Variants in DENND1A observed in about 807,000 individuals in gnomAD.
DENND1A encodes DENN domain containing 1A.
DENND1A carries 51 observed loss-of-function variants against 113.7 expected under a neutral mutation model. The observed-to-expected ratio is 0.45, with a 90% CI of 0.36 to 0.57. The LOEUF is 0.57. Ranked by LOEUF, DENND1A falls within the 20% of genes least tolerant of loss-of-function variation. The pLI, the probability that DENND1A is intolerant of heterozygous loss-of-function variation, is 0.00. For synonymous variants in DENND1A, 565 were observed against 570.8 expected (o/e 0.99, Z 0.14); for missense variants, 1,258 against 1,395.9 (o/e 0.90, Z 1.57).
intron 5 of DENND1A, among the ~76,000 whole-genome samples, chr9:123,744,993 C>T (rs2069365913): frequency 6.6e-6 from 1 of 152,074 alleles, no homozygotes; most frequent in South Asian, 2.1e-4. Flanking sequence ...CCAGGCTGGT[C>T]TCGAATTCCC....
At chr9:123,747,590 ATAC>A (rs1353533504) in intron 5 of DENND1A, among the ~76,000 whole-genome samples, 2 of 152,314 alleles carry the variant, frequency 1.3e-5, no homozygotes, top group African/African-American at 4.8e-5. Context: ...TTTCCACTGC[ATAC>A]TACAATATAT....
At chr9:123,795,464 C>A (rs999650534) in intron 2 of DENND1A, among the ~76,000 whole-genome samples, 2 of 152,202 alleles carry the variant, frequency 1.3e-5, no homozygotes, top group African/African-American at 4.8e-5. Flanking sequence ...ACCCGCCTTA[C>A]TAACAGTTTC....
rs544986356 is a variant in DENND1A, at chr9:123,494,696, C to T, written c.994-36799G>A. ...ACAAGTGCCTACTCTGCCTAGAAGC[C>T]TTACCCCACCTTCTAACTATTCAAT... On this transcript the variant is annotated intron_variant, in intron 13 of 23. Transcript: ENST00000394215. Among the ~76,000 whole-genome samples the T allele has an allele frequency of 4.5e-4, 69 of 152,312 alleles. 1 individual carries two copies. Among genetic ancestry groups the T allele is most frequent in the Middle Eastern group, 3.4e-3 (1 of 294 alleles).
intron 9 of DENND1A, among the ~76,000 whole-genome samples, chr9:123,648,982 A>G (rs573459247): frequency 5.6e-4 from 86 of 152,298 alleles, no homozygotes; most frequent in Non-Finnish European, 9.7e-4. Context: ...TCATCCCATT[A>G]CTAGCATCGT....
At chr9:123,759,658 T>A (rs894198587) in intron 4 of DENND1A, 1 of 152,174 alleles carries the variant, frequency 6.6e-6, no homozygotes, top group African/African-American at 2.4e-5. Context: ...CTCCTGGCCT[T>A]AAGTGATCCG....
At chr9:123,895,272 A>G (rs1228348278) in intron 1 of DENND1A, among the ~76,000 whole-genome samples, 2 of 152,080 alleles carry the variant, frequency 1.3e-5, no homozygotes, top group Non-Finnish European at 2.9e-5. Context: ...AAAACTATAA[A>G]TAATGGTTTT....
intron 13 of DENND1A, among the ~76,000 whole-genome samples, chr9:123,462,903 G>T (rs1435041417): frequency 6.6e-6 from 1 of 152,076 alleles, no homozygotes; most frequent in Non-Finnish European, 1.5e-5. Flanking sequence ...TAAACAAACC[G>T]CTGTCAAGGC....
At chr9:123,920,624 A>G (rs962576370) in intron 1 of DENND1A, among the ~76,000 whole-genome samples, 3 of 152,108 alleles carry the variant, frequency 2.0e-5, no homozygotes, top group Admixed American at 2.0e-4. Flanking sequence ...CAGTGGTGCA[A>G]TCTCAGCTCA....
intron 1 of DENND1A, among the ~76,000 whole-genome samples, chr9:123,925,797 G>A (rs1379166072): frequency 1.3e-5 from 2 of 152,184 alleles, no homozygotes; most frequent in African/African-American, 4.8e-5. Flanking sequence ...GGCTAATGTA[G>A]AATAATCACC....
intron 19 of DENND1A, among the ~76,000 whole-genome samples, chr9:123,424,218 A>G (rs559434784): frequency 6.6e-6 from 1 of 152,188 alleles, no homozygotes; most frequent in African/African-American, 2.4e-5. Context: ...TTGCTGAGGG[A>G]GGGTGTCCAT....
chr9:123,573,895 C>T (rs1159035775), intron 12 of DENND1A, among the ~76,000 whole-genome samples: 1 of 151,788 alleles, frequency 6.6e-6, no homozygotes, highest in African/African-American at 2.4e-5. Flanking sequence ...AGCTGTAGGT[C>T]TTTTCTAGAT....
chr9:123,754,074 A>C (rs1420623674), intron 5 of DENND1A, among the ~76,000 whole-genome samples: 1 of 152,204 alleles, frequency 6.6e-6, no homozygotes. Context: ...TGGAAAGCAA[A>C]AGTAGAGGTA....
chr9:123,735,201 T>C (rs2068471626), intron 5 of DENND1A, among the ~76,000 whole-genome samples: 1 of 152,114 alleles, frequency 6.6e-6, no homozygotes, highest in Admixed American at 6.6e-5. Context: ...ATACCCCTAT[T>C]TCCACTATGA....
At chr9:123,718,831 G>A (rs1320724901) in intron 5 of DENND1A, among the ~76,000 whole-genome samples, 2 of 152,184 alleles carry the variant, frequency 1.3e-5, no homozygotes, top group Non-Finnish European at 1.5e-5. Context: ...GCTAAGCTCT[G>A]TACAAGTGGT....
chr9:123,609,427 C>A lies in DENND1A; in HGVS notation c.765+9G>T. The A allele has an allele frequency of 6.2e-7, 1 of 1,613,238 alleles. No individual in the cohort carries two copies. On this transcript the variant is annotated intron_variant, in intron 11 of 23. Transcript: ENST00000394215. ...TAGAGCCATCTGGGGAGGAAAGAAG[C>A]CAACTTACCTCCATTAAACTTAAAT...
intron 13 of DENND1A, among the ~76,000 whole-genome samples, chr9:123,526,897 T>C (rs968090031): frequency 6.6e-6 from 1 of 152,192 alleles, no homozygotes; most frequent in Non-Finnish European, 1.5e-5. Flanking sequence ...CGTATCTTCA[T>C]CTCACTCTTC....
Position 123,764,962 on chromosome 9 carries a change from T to C in DENND1A, c.182+4552A>G, listed in dbSNP as rs1216020016. 6.6e-6 allele frequency among the ~76,000 whole-genome samples: 1 copy of C among 152,138 alleles called. No individual in the cohort carries two copies. Among genetic ancestry groups the C allele is most frequent in the Non-Finnish European group, 1.5e-5 (1 of 68,026 alleles). On this transcript the variant is annotated intron_variant, in intron 4 of 23. Coordinates refer to ENST00000394215, the MANE Select transcript of DENND1A (RefSeq NM_001352964.2). This position sits in a 1 kb window ranked among gnomAD's most constrained non-coding sequence, Gnocchi z 4.1. ...ATGGGGCACAGCTGAACCTATATTG[T>C]ATGCTAAACCAAGGGACTTCAAGGG...
At chr9:123,831,914 C>T (rs1190812402) in intron 2 of DENND1A, among the ~76,000 whole-genome samples, 1 of 151,796 alleles carries the variant, frequency 6.6e-6, no homozygotes, top group Non-Finnish European at 1.5e-5. Flanking sequence ...ACCCTGGAGG[C>T]GGAGGTTGCA....
chr9:123,563,510 A>G (rs1290960427), intron 12 of DENND1A, among the ~76,000 whole-genome samples: 1 of 152,226 alleles, frequency 6.6e-6, no homozygotes, highest in Non-Finnish European at 1.5e-5. Flanking sequence ...ACATGTATAC[A>G]TTGTGAGGAG....
Sources: gnomAD v4.1 joint callset for allele counts (sites outside exome capture counted in the v4.1 genomes callset) on GRCh38, gnomAD v4.1.1 for gene constraint, Gnocchi (gnomAD v3.1) non-coding constraint, MANE v1.5 for transcripts, NCBI Gene and HGNC (gene_info 2026-07-23, HGNC 2026-07-21) for gene names.